FGF14: variants seen among roughly 807,000 people sequenced by gnomAD.
FGF14 encodes the protein fibroblast growth factor 14, also known as fibroblast growth factor homologous factor 4.
In FGF14, 5 loss-of-function variants were observed where a neutral mutation model predicts 25.5. The ratio of observed to expected loss-of-function variants is 0.20; its 90% CI spans 0.10 to 0.41. The LOEUF (loss-of-function observed/expected upper bound fraction) is 0.41, where lower values mean the gene tolerates loss of function less well. FGF14 is among the 10% of genes least tolerant of loss of function. The pLI is 1.00. For synonymous variants in FGF14, 138 were observed against 118.3 expected (o/e 1.17, Z -1.08); for missense variants, 222 against 320.1 (o/e 0.69, Z 2.34).
intron 1 of FGF14, among the ~76,000 whole-genome samples, chr13:101,950,729 A>G (rs921959876): frequency 2.7e-5 from 4 of 147,486 alleles, no homozygotes; most frequent in Non-Finnish European, 4.5e-5. Flanking sequence ...TGATCATCCT[A>G]TTAAACAGAA....
At chr13:102,199,555 T>C (rs563256305) in intron 1 of FGF14, among the ~76,000 whole-genome samples, 1 of 152,300 alleles carries the variant, frequency 6.6e-6, no homozygotes, top group Admixed American at 6.5e-5. Flanking sequence ...ACTAGATGAA[T>C]TCATTACAAA....
chr13:102,091,559 T>G (rs76321252), intron 1 of FGF14, among the ~76,000 whole-genome samples: 5,475 of 152,234 alleles, frequency 0.036, 330 homozygotes, highest in East Asian at 0.2. Flanking sequence ...CCTTCTTCCC[T>G]CAAATACCAG....
At chr13:101,917,144 C>T (rs1222736087), upstream of FGF14, among the ~76,000 whole-genome samples, 3 of 151,606 alleles carry the variant, frequency 2.0e-5, no homozygotes, top group African/African-American at 7.3e-5. Context: ...GACTCAGCGC[C>T]GGGCTCCAGC....
At chr13:102,336,404 A>G (rs2056788294) in intron 1 of FGF14, among the ~76,000 whole-genome samples, 1 of 152,150 alleles carries the variant, frequency 6.6e-6, no homozygotes, top group Non-Finnish European at 1.5e-5. Flanking sequence ...CTTCAGTTCT[A>G]TTAAGTCTGA....
chr13:101,899,639 G>A (rs2138971260), intron 1 of FGF14, among the ~76,000 whole-genome samples: 1 of 151,978 alleles, frequency 6.6e-6, no homozygotes, highest in African/African-American at 2.4e-5. Context: ...AAAGAAAGCT[G>A]GTGTTATTAT....
At chr13:101,775,878 T>G (rs765703577) in intron 3 of FGF14, among the ~76,000 whole-genome samples, 3 of 152,198 alleles carry the variant, frequency 2.0e-5, no homozygotes, top group Non-Finnish European at 4.4e-5. Flanking sequence ...TGAGCTAGAA[T>G]GTTCAGGCCA....
Position 101,908,857 on chromosome 13 carries a change from T to C in FGF14, c.193+7596A>G, listed in dbSNP as rs547458335. Among the ~76,000 whole-genome samples the C allele has an allele frequency of 7.2e-5, 11 of 152,294 alleles. No individual in the cohort carries two copies. The South Asian group carries it at 2.3e-3, about 32-fold the overall frequency. On this transcript the variant is annotated intron_variant, in intron 1 of 4. Transcript: ENST00000376143. Reference sequence around the variant, plus strand: ...TTCAAACTATACTACAAGGCTACAGTAACCAAAACAGCATGGTACTGGTAC... The same window carrying C: ...TTCAAACTATACTACAAGGCTACAGCAACCAAAACAGCATGGTACTGGTAC...
intron 3 of FGF14, among the ~76,000 whole-genome samples, chr13:101,859,073 T>G (rs1158587813): frequency 6.6e-6 from 1 of 152,126 alleles, no homozygotes; most frequent in African/African-American, 2.4e-5. Context: ...CAATTTTAAC[T>G]TGAGAAATTG....
chr13:102,218,427 T>G (rs769490250), intron 1 of FGF14, among the ~76,000 whole-genome samples: 2 of 151,890 alleles, frequency 1.3e-5, no homozygotes, highest in Non-Finnish European at 2.9e-5. Context: ...AGAGAGCAGT[T>G]TTTTGTTTGG....
intron 1 of FGF14, among the ~76,000 whole-genome samples, chr13:102,006,125 T>G (rs986191097): frequency 1.3e-5 from 2 of 152,204 alleles, no homozygotes; most frequent in Non-Finnish European, 2.9e-5. Context: ...ATGGGACATA[T>G]TCTGTCATTA....
intron 1 of FGF14, among the ~76,000 whole-genome samples, chr13:101,948,881 T>A (rs544464839): frequency 2.6e-5 from 4 of 152,284 alleles, no homozygotes; most frequent in African/African-American, 9.6e-5. Context: ...TTCCTGCAAT[T>A]TTGCAAAAGT....
chr13:102,073,384 C>T (rs1203163738), intron 1 of FGF14, among the ~76,000 whole-genome samples: 1 of 152,236 alleles, frequency 6.6e-6, no homozygotes, highest in African/African-American at 2.4e-5. Flanking sequence ...CAGCAGGCCA[C>T]AGCCTTCACC....
chr13:101,808,485 C>T (rs1405661219), intron 3 of FGF14, among the ~76,000 whole-genome samples: 1 of 152,064 alleles, frequency 6.6e-6, no homozygotes, highest in Non-Finnish European at 1.5e-5. Context: ...TTAAAAATTA[C>T]AATAGTGAAT....
chr13:102,016,592 T>C (rs1384188724), intron 1 of FGF14, among the ~76,000 whole-genome samples: 1 of 152,144 alleles, frequency 6.6e-6, no homozygotes, highest in East Asian at 1.9e-4. Flanking sequence ...AGATTTAATA[T>C]AAAGATTCAA....
intron 1 of FGF14, among the ~76,000 whole-genome samples, chr13:102,329,779 C>A (rs985946830): frequency 1.3e-5 from 2 of 152,142 alleles, no homozygotes; most frequent in Admixed American, 1.3e-4. Context: ...CTCCTTTAAT[C>A]TTAACCCTAC....
At chr13:102,048,432 T>C (rs2042085387) in intron 1 of FGF14, among the ~76,000 whole-genome samples, 1 of 152,300 alleles carries the variant, frequency 6.6e-6, no homozygotes, top group Non-Finnish European at 1.5e-5. Context: ...CATCTTTCAC[T>C]TTGGATTCCA....
chr13:102,276,014 G>A (rs147587585), intron 1 of FGF14, among the ~76,000 whole-genome samples: 16 of 152,066 alleles, frequency 1.1e-4, no homozygotes, highest in African/African-American at 3.9e-4. Flanking sequence ...CTACTGTAAA[G>A]ATTAAAGTGG....
At chr13:102,150,436 G>A (rs142230007) in intron 1 of FGF14, among the ~76,000 whole-genome samples, 1 of 152,120 alleles carries the variant, frequency 6.6e-6, no homozygotes, top group East Asian at 1.9e-4. Flanking sequence ...TTTCTCTAAG[G>A]CATGGCCACT....
intron 1 of FGF14, among the ~76,000 whole-genome samples, chr13:101,939,373 T>G (rs1186808474): frequency 1.3e-5 from 2 of 152,350 alleles, no homozygotes; most frequent in Non-Finnish European, 2.9e-5. Context: ...AATAGCTTAG[T>G]AAGCCACAGG....
Sources: allele counts gnomAD v4.1 joint callset (sites outside exome capture counted in the v4.1 genomes callset), GRCh38; gene constraint gnomAD v4.1.1; transcripts MANE v1.5; gene names NCBI Gene and HGNC (gene_info 2026-07-23, HGNC 2026-07-21).